The following STXBP5L variants were observed in gnomAD, a reference collection of about 807,000 sequenced individuals.
STXBP5L encodes syntaxin binding protein 5L.
STXBP5L carries 65 observed loss-of-function variants against 144.5 expected under a neutral mutation model. The observed-to-expected ratio is 0.45, with a 90% CI of 0.37 to 0.55. STXBP5L has a LOEUF of 0.55. STXBP5L is among the 20% of genes least tolerant of loss of function. The probability of loss-of-function intolerance (pLI) is 0.00; values close to 1 mark genes in which losing one functional copy is unlikely to be tolerated. For missense variants in STXBP5L, 1,298 were observed against 1,405.5 expected (o/e 0.92, Z 1.22); for synonymous variants, 505 against 469.6 (o/e 1.08, Z -0.97).
intron 20 of STXBP5L, among the ~76,000 whole-genome samples, chr3:121,366,872 T>C (rs1359868187): frequency 6.6e-6 from 1 of 152,106 alleles, no homozygotes; most frequent in Non-Finnish European, 1.5e-5. Flanking sequence ...GACTGTTAAA[T>C]GGGATGTTTA....
At chr3:121,382,996 C>A (rs991044299) in intron 22 of STXBP5L, among the ~76,000 whole-genome samples, 1 of 152,044 alleles carries the variant, frequency 6.6e-6, no homozygotes, top group South Asian at 2.1e-4. Context: ...AACATCAGTT[C>A]ATTGGCTAGG....
At chr3:120,960,745 C>A (rs1476251868) in intron 3 of STXBP5L, among the ~76,000 whole-genome samples, 1 of 151,976 alleles carries the variant, frequency 6.6e-6, no homozygotes, top group Non-Finnish European at 1.5e-5. Flanking sequence ...GAACATCACA[C>A]CCTGGGGCCT....
At chr3:121,133,290 C>A (rs923609086) in intron 7 of STXBP5L, among the ~76,000 whole-genome samples, 4 of 152,014 alleles carry the variant, frequency 2.6e-5, no homozygotes, top group Non-Finnish European at 5.9e-5. Context: ...CAAAGAACAC[C>A]AAATAAAATG....
chr3:121,076,624 C>G (rs1026339778), intron 5 of STXBP5L, among the ~76,000 whole-genome samples: 2 of 152,122 alleles, frequency 1.3e-5, no homozygotes, highest in Non-Finnish European at 2.9e-5. Flanking sequence ...CCACCCAAAA[C>G]ACTCGGCCAA....
intron 20 of STXBP5L, among the ~76,000 whole-genome samples, chr3:121,342,890 T>A (rs1440129160): frequency 6.7e-6 from 1 of 149,908 alleles, no homozygotes; most frequent in Non-Finnish European, 1.5e-5. Flanking sequence ...TCAAATGGTA[T>A]TTCTAGTTCT....
intron 18 of STXBP5L, among the ~76,000 whole-genome samples, chr3:121,261,637 A>T (rs150634469): frequency 5.9e-5 from 9 of 152,340 alleles, no homozygotes; most frequent in African/African-American, 2.2e-4. Flanking sequence ...AGTTCATCAC[A>T]TTAGCAAATA....
chr3:121,189,150 A>T (rs2047527366), intron 9 of STXBP5L, among the ~76,000 whole-genome samples: 1 of 151,936 alleles, frequency 6.6e-6, no homozygotes, highest in Non-Finnish European at 1.5e-5. Flanking sequence ...GGTTGCAAAA[A>T]TTTTCTCCCA....
chr3:121,342,735 C>G (rs1423700748), intron 20 of STXBP5L, among the ~76,000 whole-genome samples: 2 of 148,578 alleles, frequency 1.3e-5, no homozygotes, highest in Non-Finnish European at 3.0e-5. Flanking sequence ...TTTTCTTAAT[C>G]CAGTCTATCA....
chr3:121,277,086 G>T, intron 18 of STXBP5L, among the ~76,000 whole-genome samples: 1 of 151,732 alleles, frequency 6.6e-6, no homozygotes, highest in South Asian at 2.1e-4. Flanking sequence ...CTATAAATTG[G>T]GTAGCTTATA....
In STXBP5L at chr3:121,378,883, G is replaced by C; in HGVS notation, c.2344G>C (p.Glu782Gln). 6.2e-7 allele frequency: 1 copy of C among 1,612,312 alleles called. No homozygotes were observed. The highest frequency in any genetic ancestry group is 8.5e-7 in the Non-Finnish European group (1 of 1,179,140). ...GGAGATTTCTTTACCAGTTACAACA[G>C]AAGGTATGTTAAACATATTAAATTT... Reference protein sequence around the residue: ...CMEISLPVTTEENRENSYNRS... With the variant: ...CMEISLPVTTQENRENSYNRS... Residue 782 changes from glutamate (E) to glutamine (Q), a missense_variant, in exon 21 of 27, where the codon GAA becomes CAA. Glu to Gln is a conservative substitution (Grantham distance 29, BLOSUM62 2). Coordinates refer to ENST00000471454, the MANE Select transcript of STXBP5L (RefSeq NM_001308330.2).
intron 5 of STXBP5L, among the ~76,000 whole-genome samples, chr3:121,096,092 G>T (rs553344068): frequency 8.0e-5 from 12 of 150,606 alleles, no homozygotes; most frequent in African/African-American, 2.7e-4. Context: ...TGCTTGGTGG[G>T]CTGTACCCAC....
intron 23 of STXBP5L, 144 bp downstream of exon 23, chr3:121,407,747 C>T: frequency 8.3e-7 from 1 of 1,201,616 alleles, no homozygotes; most frequent in Non-Finnish European, 1.1e-6. Context: ...TTTTATTGTT[C>T]AACGATTTGA....
chr3:121,143,095 A>T (rs1280404945), intron 7 of STXBP5L, among the ~76,000 whole-genome samples: 1 of 151,892 alleles, frequency 6.6e-6, no homozygotes. Flanking sequence ...TATACCAACA[A>T]ACTGTATAAT....
intron 3 of STXBP5L, among the ~76,000 whole-genome samples, chr3:121,036,436 A>G (rs1468425857): frequency 1.3e-5 from 2 of 152,164 alleles, no homozygotes; most frequent in Non-Finnish European, 2.9e-5. Flanking sequence ...TTCTGCAAAT[A>G]GAGTTGTCTT....
At chr3:121,325,303 A>T (rs1234442859) in intron 20 of STXBP5L, among the ~76,000 whole-genome samples, 11 of 152,082 alleles carry the variant, frequency 7.2e-5, no homozygotes, top group Admixed American at 7.2e-4. Context: ...AGTTATCCAC[A>T]GTTTTTCAAA....
chr3:121,046,691 G>A (rs1467738871), intron 5 of STXBP5L, among the ~76,000 whole-genome samples: 2 of 151,898 alleles, frequency 1.3e-5, no homozygotes, highest in East Asian at 3.9e-4. Context: ...TATTTCTGTG[G>A]GGTTGGTGGT....
At chr3:120,992,272 C>G (rs145987004) in intron 3 of STXBP5L, among the ~76,000 whole-genome samples, 21 of 152,108 alleles carry the variant, frequency 1.4e-4, no homozygotes, top group Non-Finnish European at 2.8e-4. Flanking sequence ...TCCATTACCT[C>G]AAGTGTTTAT....
At chr3:121,136,218 C>T (rs564604439) in intron 7 of STXBP5L, among the ~76,000 whole-genome samples, 9 of 152,162 alleles carry the variant, frequency 5.9e-5, no homozygotes, top group East Asian at 5.8e-4. Context: ...ATTCACTTGG[C>T]GAAGGAAAGG....
chr3:120,951,817 A>C (rs1258039101), intron 2 of STXBP5L, among the ~76,000 whole-genome samples: 2 of 152,296 alleles, frequency 1.3e-5, no homozygotes, highest in Admixed American at 1.3e-4. Context: ...ATATACCGAA[A>C]GGAGTATAAA....
Sources: allele counts gnomAD v4.1 joint callset (sites outside exome capture counted in the v4.1 genomes callset), GRCh38; gene constraint gnomAD v4.1.1; transcripts MANE v1.5; gene names NCBI Gene and HGNC (gene_info 2026-07-23, HGNC 2026-07-21).